EPHA7: variants seen among roughly 807,000 people sequenced by gnomAD.
The protein encoded by EPHA7 is EPH receptor A7.
Under a neutral mutation model 112.6 loss-of-function variants are expected in EPHA7, and 25 were observed. The ratio of observed to expected loss-of-function variants is 0.22; its 90% confidence interval spans 0.16 to 0.31. The LOEUF is 0.31. EPHA7 is among the 10% of genes least tolerant of loss of function. EPHA7 has a pLI of 1.00. For missense variants in EPHA7, 962 were observed against 1,212.6 expected (o/e 0.79, Z 3.07); for synonymous variants, 437 against 406.5 (o/e 1.07, Z -0.90).
At chr6:93,405,813 G>GTATATATATATA (rs60882775) in intron 3 of EPHA7, among the ~76,000 whole-genome samples, 18 of 73,978 alleles carry the variant, frequency 2.4e-4, no homozygotes, top group Non-Finnish European at 3.3e-4. Flanking sequence ...GTGTGTGTGT[G>GTATATATATATA]TATATATATA....
rs937719191 is a variant in EPHA7, at chr6:93,304,848, T to C, written c.1325-32426A>G. 4.6e-5 allele frequency among the ~76,000 whole-genome samples: 7 copies of C among 152,178 alleles called. No individual in the cohort carries two copies. The South Asian group carries it at 6.2e-4, about 14-fold the overall frequency. ...ATGCCTCAGCCTCATGGCTCACAGA[T>C]GGTGTTCTGTTTGGAAGATTCTTTC... On this transcript the variant is annotated intron_variant, in intron 5 of 16. Transcript: ENST00000369303.
chr6:93,348,327 C>G (rs147401160), intron 5 of EPHA7, among the ~76,000 whole-genome samples: 1 of 151,714 alleles, frequency 6.6e-6, no homozygotes, highest in African/African-American at 2.4e-5. Context: ...ATATTAAAAC[C>G]TAAATATACC....
intron 5 of EPHA7, among the ~76,000 whole-genome samples, chr6:93,281,583 C>T (rs570686520): frequency 3.5e-4 from 53 of 152,258 alleles, no homozygotes; most frequent in African/African-American, 1.1e-3. Flanking sequence ...TACATGTCTA[C>T]GCACACACAC....
chr6:93,381,271 T>C (rs1280718064), intron 3 of EPHA7, among the ~76,000 whole-genome samples: 1 of 152,136 alleles, frequency 6.6e-6, no homozygotes, highest in Non-Finnish European at 1.5e-5. Context: ...AAATAAGCAA[T>C]AAAATTTATT....
At chr6:93,413,735 A>G (rs2127996745) in intron 2 of EPHA7, among the ~76,000 whole-genome samples, 1 of 152,028 alleles carries the variant, frequency 6.6e-6, no homozygotes, top group South Asian at 2.1e-4. Context: ...TATCTTAAAC[A>G]GATTTGTTTT....
chr6:93,308,313 A>G (rs1175789914), intron 5 of EPHA7, among the ~76,000 whole-genome samples: 1 of 152,124 alleles, frequency 6.6e-6, no homozygotes, highest in Non-Finnish European at 1.5e-5. Flanking sequence ...TGCTCTGGCT[A>G]CTGTAGAATA....
chr6:93,266,959 G>T (rs1770969767), intron 7 of EPHA7, among the ~76,000 whole-genome samples: 1 of 151,740 alleles, frequency 6.6e-6, no homozygotes, highest in South Asian at 2.1e-4. Context: ...CATAGAGTCT[G>T]CAAGTTCAAA....
intron 3 of EPHA7, among the ~76,000 whole-genome samples, chr6:93,405,996 T>C (rs1311898238): frequency 6.7e-6 from 1 of 150,200 alleles, no homozygotes; most frequent in African/African-American, 2.4e-5. Flanking sequence ...GCTATAAAAT[T>C]GAATGTATTG....
At chr6:93,282,596 T>G (rs760988749) in intron 5 of EPHA7, among the ~76,000 whole-genome samples, 1 of 152,112 alleles carries the variant, frequency 6.6e-6, no homozygotes, top group Non-Finnish European at 1.5e-5. Context: ...AGCCCCTTTT[T>G]GGGCTGGCCA....
intron 3 of EPHA7, among the ~76,000 whole-genome samples, chr6:93,381,674 G>T: frequency 6.6e-6 from 1 of 151,562 alleles, no homozygotes; most frequent in Admixed American, 6.6e-5. Flanking sequence ...TGACAAGTTA[G>T]GAGAAAAAAC....
At chr6:93,290,406 A>C (rs1772299965) in intron 5 of EPHA7, among the ~76,000 whole-genome samples, 3 of 152,286 alleles carry the variant, frequency 2.0e-5, no homozygotes, top group Admixed American at 2.0e-4. Context: ...ATATATAATA[A>C]TTGTACAAGA....
At chr6:93,391,656 G>A (rs1320742901) in intron 3 of EPHA7, among the ~76,000 whole-genome samples, 2 of 151,710 alleles carry the variant, frequency 1.3e-5, no homozygotes, top group Non-Finnish European at 2.9e-5. Context: ...ATATCTATAG[G>A]TTTATGAACT....
intron 3 of EPHA7, among the ~76,000 whole-genome samples, chr6:93,409,247 G>C (rs1778860583): frequency 6.6e-6 from 1 of 151,980 alleles, no homozygotes; most frequent in South Asian, 2.1e-4. Context: ...TATTTCCTAG[G>C]ATTCTCCTTG....
At chr6:93,316,146 C>G (rs1171611845) in intron 5 of EPHA7, among the ~76,000 whole-genome samples, 1 of 152,060 alleles carries the variant, frequency 6.6e-6, no homozygotes, top group Admixed American at 6.6e-5. Flanking sequence ...AACAGTGAAG[C>G]TAACAGATCC....
At chr6:93,356,224 A>T (rs2504426) in intron 5 of EPHA7, among the ~76,000 whole-genome samples, 1 of 151,068 alleles carries the variant, frequency 6.6e-6, no homozygotes. Context: ...TTTTTTTTCC[A>T]GAGACAAGAG....
At chr6:93,278,530 C>T (rs1771574829) in intron 5 of EPHA7, among the ~76,000 whole-genome samples, 1 of 152,028 alleles carries the variant, frequency 6.6e-6, no homozygotes, top group Admixed American at 6.6e-5. Flanking sequence ...TTTCAATCAA[C>T]AAGTAATACT....
chr6:93,395,492 A>T (rs900081156), intron 3 of EPHA7, among the ~76,000 whole-genome samples: 1 of 151,666 alleles, frequency 6.6e-6, no homozygotes, highest in African/African-American at 2.4e-5. Flanking sequence ...ACAAACTTAA[A>T]TTTCTGTCAA....
intron 5 of EPHA7, among the ~76,000 whole-genome samples, chr6:93,331,657 G>GA (rs1315107119): frequency 6.6e-6 from 1 of 151,512 alleles, no homozygotes; most frequent in Admixed American, 6.6e-5. Flanking sequence ...TACTTTACAT[G>GA]AAATATACAA....
intron 3 of EPHA7, among the ~76,000 whole-genome samples, chr6:93,383,945 C>G (rs1000492984): frequency 6.6e-6 from 1 of 152,074 alleles, no homozygotes; most frequent in Non-Finnish European, 1.5e-5. Context: ...GCCTCAGCCC[C>G]GCAAAGTGCT....
Sources: gnomAD v4.1 joint callset for allele counts (sites outside exome capture counted in the v4.1 genomes callset) on GRCh38, gnomAD v4.1.1 for gene constraint, MANE v1.5 for transcripts, NCBI Gene and HGNC (gene_info 2026-07-23, HGNC 2026-07-21) for gene names.